The following PUDP variants were observed in gnomAD, a reference collection of about 807,000 sequenced individuals.
PUDP encodes the protein pseudouridine-5'-phosphatase.
PUDP carries 8 observed loss-of-function variants against 9.4 expected under a neutral mutation model. The ratio of observed to expected loss-of-function variants is 0.85; its 90% CI spans 0.50 to 1.53. The LOEUF is 1.53. Ranked by LOEUF, PUDP falls within the 40% of genes most tolerant of loss-of-function variation. The pLI, the probability that PUDP is intolerant of heterozygous loss-of-function variation, is 0.00. For missense variants in PUDP, 188 were observed against 189.7 expected (o/e 0.99, Z 0.05); for synonymous variants, 99 against 80.7 (o/e 1.23, Z -1.22).
rs757032843 is a variant in PUDP at position 6,805,701 on chromosome X, A to C, written c.*248-99235T>G. Among the ~76,000 whole-genome samples, 15 of 105,144 alleles carry C rather than the reference A, an allele frequency of 1.4e-4. No homozygotes were observed. In the East Asian group the frequency reaches 4.5e-3, roughly 32 times the overall value. The allele number at this position is 105,144 out of a possible 115,157, so 91.3% of individuals were successfully genotyped here. On this transcript the variant is annotated intron_variant and NMD_transcript_variant, in intron 3 of 3. Transcript: ENST00000655425. ...CACGGGGCTAATTTTTTTTTTTTTT[A>C]GAGATGGGGTCTTGCTATGTTGCCC...
intron 3 of PUDP, among the ~76,000 whole-genome samples, chrX:6,745,629 C>CTCTT (rs1555908593): frequency 9.0e-6 from 1 of 110,816 alleles, no homozygotes; most frequent in Non-Finnish European, 1.9e-5. Context: ...ATGTCACATG[C>CTCTT]TGTTTGTTTG....
chrX:6,895,104 G>C (rs1477351921), intron 3 of PUDP, among the ~76,000 whole-genome samples: 1 of 110,042 alleles, frequency 9.1e-6, no homozygotes, highest in Admixed American at 9.9e-5. Flanking sequence ...GTCCTGAGGA[G>C]GTGGGCTGTT....
At chrX:6,923,902 C>T (rs1274425063) in intron 3 of PUDP, among the ~76,000 whole-genome samples, 1 of 111,317 alleles carries the variant, frequency 9.0e-6, no homozygotes, top group Non-Finnish European at 1.9e-5. Flanking sequence ...TTGCTACCCA[C>T]ACACTCCCCT....
intron 2 of PUDP, among the ~76,000 whole-genome samples, chrX:7,092,190 A>G (rs192167940): frequency 5.3e-5 from 6 of 113,118 alleles, no homozygotes; most frequent in Non-Finnish European, 3.7e-5. Flanking sequence ...ACTACGTCAC[A>G]AAACAAACAT....
At chrX:6,743,727 T>A (rs1442527787) in intron 3 of PUDP, among the ~76,000 whole-genome samples, 1 of 111,275 alleles carries the variant, frequency 9.0e-6, no homozygotes, top group African/African-American at 3.3e-5. Flanking sequence ...ACTTAAATCA[T>A]CCAAACACAA....
chrX:6,878,976 C>A (rs1927305758), intron 3 of PUDP, among the ~76,000 whole-genome samples: 1 of 111,926 alleles, frequency 8.9e-6, no homozygotes, highest in South Asian at 3.8e-4. Flanking sequence ...CTTGTCAGGA[C>A]ACCTCATGAA....
At chrX:6,757,771 C>T (rs746386252) in intron 3 of PUDP, among the ~76,000 whole-genome samples, 14 of 112,144 alleles carry the variant, frequency 1.2e-4, no homozygotes, top group South Asian at 3.7e-4. Flanking sequence ...CTCTTAATGC[C>T]GAAATTATGC....
chrX:6,869,934 G>C (rs1927148455), intron 3 of PUDP, among the ~76,000 whole-genome samples: 1 of 111,384 alleles, frequency 9.0e-6, no homozygotes, highest in African/African-American at 3.3e-5. Context: ...ACTGAAATCA[G>C]GGTATCAAAA....
chrX:7,146,369 T>C (rs757466168), intron 1 of PUDP, among the ~76,000 whole-genome samples: 4 of 111,951 alleles, frequency 3.6e-5, no homozygotes, highest in African/African-American at 9.7e-5. Flanking sequence ...GGTATTAAAA[T>C]TCATGAGACT....
intron 2 of PUDP, among the ~76,000 whole-genome samples, chrX:7,102,295 C>A (rs749116605): frequency 3.1e-5 from 3 of 96,787 alleles, no homozygotes; most frequent in East Asian, 6.4e-4. Flanking sequence ...ACATATGAAA[C>A]CACATTTACA....
intron 1 of PUDP, among the ~76,000 whole-genome samples, chrX:7,118,475 G>A (rs979050283): frequency 2.7e-5 from 3 of 111,994 alleles, no homozygotes; most frequent in Non-Finnish European, 5.6e-5. Flanking sequence ...AAAATTTAAC[G>A]GTATGGTTTG....
chrX:7,111,865 C>G (rs1932059957), intron 1 of PUDP, among the ~76,000 whole-genome samples: 1 of 111,239 alleles, frequency 9.0e-6, no homozygotes, highest in South Asian at 3.8e-4. Context: ...TTAGGGAATG[C>G]TTTTGTTAAC....
At chrX:6,927,094 AT>A (rs770923294) in intron 3 of PUDP, among the ~76,000 whole-genome samples, 32 of 103,712 alleles carry the variant, frequency 3.1e-4, no homozygotes, top group East Asian at 6.1e-4. Flanking sequence ...CACCTGGCTA[AT>A]TTTTTTTTTT....
chrX:6,819,560 G>C (rs1473990702), intron 3 of PUDP, among the ~76,000 whole-genome samples: 1 of 112,598 alleles, frequency 8.9e-6, no homozygotes, highest in African/African-American at 3.2e-5. Context: ...TCCATAGAAT[G>C]GAGGAGGCGA....
intron 3 of PUDP, among the ~76,000 whole-genome samples, chrX:6,738,198 A>AGAGT (rs1467390085): frequency 5.4e-5 from 6 of 111,539 alleles, no homozygotes; most frequent in African/African-American, 2.0e-4. Flanking sequence ...TCCATGTACA[A>AGAGT]GAGTTCTTAG....
intron 3 of PUDP, among the ~76,000 whole-genome samples, chrX:7,070,848 G>T (rs900022363): frequency 2.7e-5 from 3 of 112,047 alleles, no homozygotes; most frequent in Admixed American, 9.4e-5. Flanking sequence ...AAAGTGCTGG[G>T]ATTACAGGCG....
chrX:7,140,075 A>G (rs1932781214), intron 1 of PUDP, among the ~76,000 whole-genome samples: 1 of 112,415 alleles, frequency 8.9e-6, no homozygotes, highest in Non-Finnish European at 1.9e-5. Flanking sequence ...TGGCCCAGCT[A>G]TGAAAAGCCA....
At chrX:6,807,452 C>A (rs987592670) in intron 3 of PUDP, among the ~76,000 whole-genome samples, 2 of 112,541 alleles carry the variant, frequency 1.8e-5, no homozygotes, top group Admixed American at 9.4e-5. Context: ...AATTTAGCTT[C>A]CCCTCTCGTA....
intron 3 of PUDP, among the ~76,000 whole-genome samples, chrX:6,810,574 T>A (rs907305170): frequency 9.0e-6 from 1 of 110,961 alleles, no homozygotes; most frequent in African/African-American, 3.3e-5. Flanking sequence ...ATTCTCAGAC[T>A]CCGTATGAAA....
Sources: allele counts gnomAD v4.1 joint callset (sites outside exome capture counted in the v4.1 genomes callset), GRCh38; gene constraint gnomAD v4.1.1; transcripts MANE v1.5; gene names NCBI Gene and HGNC (gene_info 2026-07-23, HGNC 2026-07-21).